The following BIVM variants were observed in gnomAD, a reference collection of about 807,000 sequenced individuals.
BIVM encodes basic, immunoglobulin-like variable motif containing.
Under a neutral mutation model 61.4 loss-of-function variants are expected in BIVM, and 31 were observed. The ratio of observed to expected loss-of-function variants is 0.51; its 90% CI spans 0.38 to 0.68. The LOEUF (loss-of-function observed/expected upper bound fraction) is 0.68. BIVM is among the 30% of genes least tolerant of loss of function. The probability of loss-of-function intolerance (pLI) is 0.00; values close to 1 mark genes in which losing one functional copy is unlikely to be tolerated. For synonymous variants in BIVM, 189 were observed against 210.7 expected (o/e 0.90, Z 0.89); for missense variants, 526 against 596.0 (o/e 0.88, Z 1.22).
chr13:102,821,559 G>A (rs925293382), intron 5 of BIVM, among the ~76,000 whole-genome samples, 184 bp from the exon 6 acceptor site: 2 of 152,028 alleles, frequency 1.3e-5, no homozygotes, highest in Non-Finnish European at 2.9e-5. Flanking sequence ...CTATGATCAC[G>A]CCACTGCACT....
chr13:102,808,455 G>C lies in BIVM; in HGVS notation c.478+710G>C, dbSNP rs559771057. 1.7e-4 allele frequency among the ~76,000 whole-genome samples: 26 copies of C among 152,234 alleles called. No homozygotes were observed. The South Asian group carries it at 5.2e-3, about 30-fold the overall frequency. ...ATAAGAGGAGGTCAAACTAGGATTT[G>C]TATTTACTTCTAGTCTTCTCTGATG... On this transcript the variant is annotated intron_variant, in intron 3 of 10. Coordinates refer to ENST00000257336, the MANE Select transcript of BIVM (RefSeq NM_017693.4).
intron 1 of BIVM, among the ~76,000 whole-genome samples, chr13:102,800,893 C>A (rs777943721): frequency 1.3e-5 from 2 of 152,226 alleles, no homozygotes; most frequent in Non-Finnish European, 2.9e-5. Flanking sequence ...CAGTTGCCTT[C>A]TATACAGGAT....
chr13:102,801,989 G>T (rs903599989), intron 1 of BIVM, among the ~76,000 whole-genome samples: 2 of 152,154 alleles, frequency 1.3e-5, no homozygotes, highest in Non-Finnish European at 2.9e-5. Flanking sequence ...GGAATGAGAT[G>T]GAGCTAACCA....
intron 3 of BIVM, among the ~76,000 whole-genome samples, chr13:102,813,472 A>AT (rs1200721657): frequency 6.6e-6 from 1 of 152,028 alleles, no homozygotes; most frequent in Admixed American, 6.6e-5. Context: ...GATTTGCTAT[A>AT]TTTTTCATTT....
intron 3 of BIVM, among the ~76,000 whole-genome samples, chr13:102,809,218 ATTAC>A (rs1038114230): frequency 6.6e-6 from 1 of 152,184 alleles, no homozygotes; most frequent in African/African-American, 2.4e-5. Context: ...GCTTATTATT[ATTAC>A]TTAATTGGAA....
At position 102,839,879 on chromosome 13, in the gene BIVM, T is replaced by C. The variant is rs1212048975; in HGVS notation, c.*14T>C. The C allele has an allele frequency of 1.9e-6, 3 of 1,600,618 alleles. No homozygotes were observed. In the African/African-American group the frequency reaches 4.0e-5, roughly 21 times the overall value. On this transcript the variant is annotated 3_prime_UTR_variant, in exon 11 of 11. Transcript: ENST00000257336. ...GGGAATGATTGACTATGCTTGCTAC[T>C]GAACAGCTGGCATTATATATGAAAC...
chr13:102,800,968 C>T (rs1268866766), intron 1 of BIVM, among the ~76,000 whole-genome samples: 6 of 152,176 alleles, frequency 3.9e-5, no homozygotes, highest in Non-Finnish European at 8.8e-5. Flanking sequence ...ATGTTTGGTT[C>T]TCTCATAAAC....
At chr13:102,837,123 C>CA in intron 9 of BIVM, among the ~76,000 whole-genome samples, 1 of 152,104 alleles carries the variant, frequency 6.6e-6, no homozygotes, top group Non-Finnish European at 1.5e-5. Flanking sequence ...ACTAAAACGA[C>CA]AAAAATTAGC....
intron 8 of BIVM, among the ~76,000 whole-genome samples, chr13:102,832,329 T>TAC (rs1881150644): frequency 6.6e-6 from 1 of 152,134 alleles, no homozygotes; most frequent in Non-Finnish European, 1.5e-5. Context: ...TGGCTAGAAC[T>TAC]ACAGGCATGC....
intron 7 of BIVM, among the ~76,000 whole-genome samples, chr13:102,826,145 T>C (rs1214555737): frequency 6.6e-6 from 1 of 152,206 alleles, no homozygotes; most frequent in Non-Finnish European, 1.5e-5. Flanking sequence ...GCTGGCATTC[T>C]TCCTTTGCAA....
intron 8 of BIVM, among the ~76,000 whole-genome samples, chr13:102,833,263 G>C (rs1030024397): frequency 2.0e-5 from 3 of 149,390 alleles, no homozygotes; most frequent in Admixed American, 6.7e-5. Flanking sequence ...AGAAAGAATT[G>C]GTGAAAACAC....
chr13:102,822,888 C>T (rs1223730106), intron 7 of BIVM, among the ~76,000 whole-genome samples: 1 of 152,046 alleles, frequency 6.6e-6, no homozygotes, highest in African/African-American at 2.4e-5. Flanking sequence ...AGATCAGGCT[C>T]AGCTCTGAAT....
chr13:102,813,480 T>C (rs968503604), intron 3 of BIVM, among the ~76,000 whole-genome samples: 6 of 152,222 alleles, frequency 3.9e-5, no homozygotes, highest in Non-Finnish European at 8.8e-5. Context: ...ATATTTTTCA[T>C]TTATTACAAG....
rs76881766 is a variant in BIVM at position 102,817,685 on chromosome 13, AT to A, written c.605+1146del. ...AAAATGGTTATATTTCAAAATTCCA[AT>A]TTTTTTTTTTTTTTACTTTTATTAC... is the stretch of plus-strand genomic sequence containing the variant. On this transcript the variant is annotated intron_variant, in intron 4 of 10. Transcript: ENST00000257336. 8.4e-3 allele frequency among the ~76,000 whole-genome samples: 1,212 copies of A among 143,864 alleles called. 4 individuals carry two copies. The highest frequency in any genetic ancestry group is 0.014 in the East Asian group (69 of 5,010). 94.4% of individuals were successfully genotyped at this position (143,864 alleles called of 152,430 possible). A position where few individuals can be genotyped will look rare whatever the true frequency, so the allele number is the denominator to read the frequency against.
intron 3 of BIVM, among the ~76,000 whole-genome samples, chr13:102,812,846 C>G (rs1242802190): frequency 6.6e-6 from 1 of 152,142 alleles, no homozygotes; most frequent in African/African-American, 2.4e-5. Flanking sequence ...TGGCTGCCCC[C>G]CTGTATCTGT....
chr13:102,801,853 CA>C (rs1878773745), intron 1 of BIVM: 1 of 152,102 alleles, frequency 6.6e-6, no homozygotes, highest in Non-Finnish European at 1.5e-5. Context: ...TTTGAGAAGC[CA>C]AGAAGGTTTC....
intron 4 of BIVM, 59 bp from the exon 5 acceptor site, chr13:102,820,978 T>A: frequency 1.3e-6 from 2 of 1,511,944 alleles, no homozygotes; most frequent in Non-Finnish European, 1.8e-6. Context: ...AGTTTTCTAT[T>A]TCTAGCATGC....
Position 102,839,573 on chromosome 13 carries a change from T to A in BIVM, c.1220T>A (p.Val407Asp). The change falls in exon 11 of 11, where the codon GTT (valine) becomes GAT (aspartate). Residue 407 changes from valine (V) to aspartate (D), a missense_variant and splice_region_variant. Val to Asp is a radical substitution (Grantham distance 152). Transcript: ENST00000257336. ...CAGCCAACATTTTTTTCTTCTCAGG[T>A]TGGGGGAAATTTGCATTGCATCATA... ...RGLQYRKTKK[V>D]GGNLHCIIAF... The A allele has an allele frequency of 1.2e-6, 2 of 1,612,578 alleles. No homozygotes were observed. The highest frequency in any genetic ancestry group is 1.7e-6 in the Non-Finnish European group (2 of 1,179,014).
Position 102,821,808 on chromosome 13 carries a change from T to A in BIVM, c.767T>A (p.Ile256Asn). 6.2e-7 allele frequency: 1 copy of A among 1,614,088 alleles called. No individual in the cohort carries two copies. Among genetic ancestry groups the A allele is most frequent in the East Asian group, 2.2e-5 (1 of 44,870 alleles). ...GGCTTTCAACCTCCATTTGAAGATA[T>A]TAGGTTTGGTCCTTTCACGGGGAAT... ...ILGFQPPFED[I>N]RFGPFTGNTT... The change falls in exon 6 of 11, where the codon ATT becomes AAT. Residue 256 changes from isoleucine (I) to asparagine (N), a missense_variant. Around this residue, in one of 3 missense-constraint regions of BIVM, gnomAD observed 312 missense variants for 343.8 expected, o/e 0.91. Coordinates refer to ENST00000257336, the MANE Select transcript of BIVM (RefSeq NM_017693.4).
Sources: gnomAD v4.1 joint callset for allele counts (sites outside exome capture counted in the v4.1 genomes callset) on GRCh38, gnomAD v4.1.1 for gene constraint, gnomAD v4.1.1 regional missense constraint, MANE v1.5 for transcripts, NCBI Gene and HGNC (gene_info 2026-07-23, HGNC 2026-07-21) for gene names.